The following ANAPC11 variants were observed in gnomAD, a reference collection of about 807,000 sequenced individuals.
The protein encoded by ANAPC11 is anaphase promoting complex subunit 11, also known as anaphase-promoting complex subunit 11.
Under a neutral mutation model 11.8 loss-of-function variants are expected in ANAPC11, and 5 were observed. The ratio of observed to expected loss-of-function variants is 0.42; its 90% CI spans 0.22 to 0.89. ANAPC11 has a LOEUF of 0.89. Among genes scored for constraint, ANAPC11 ranks in the 40% least tolerant of loss-of-function variants. The pLI is 0.28. For missense variants in ANAPC11, 68 were observed against 112.9 expected (o/e 0.60, Z 1.80); for synonymous variants, 45 against 41.0 (o/e 1.10, Z -0.38).
In ANAPC11 at chr17:81,900,197, A is replaced by T; in HGVS notation, c.*132A>T. 1 of 1,395,858 alleles carries T rather than the reference A, an allele frequency of 7.2e-7. No homozygotes were observed. The highest frequency in any genetic ancestry group is 1.3e-5 in the South Asian group (1 of 77,514). 86.5% of individuals were successfully genotyped at this position (1,395,858 alleles called of 1,614,324 possible). A position where few individuals can be genotyped will look rare whatever the true frequency, so the allele number is the denominator to read the frequency against. ...GGGCTGGAGCTGCGTTTGTTTTGCCATCACTATGTTGACACTTTTATCCAA... is the reference window on the plus strand; with the variant it reads ...GGGCTGGAGCTGCGTTTGTTTTGCCTTCACTATGTTGACACTTTTATCCAA... On this transcript the variant is annotated 3_prime_UTR_variant, in exon 4 of 4. Transcript: ENST00000344877.
Position 81,894,467 on chromosome 17 carries a change from G to C in ANAPC11, c.-11G>C, listed in dbSNP as rs1329297109. The C allele has an allele frequency of 4.4e-6, 7 of 1,599,006 alleles. No homozygotes were observed. The highest frequency in any genetic ancestry group is 6.0e-6 in the Non-Finnish European group (7 of 1,167,486). On this transcript the variant is annotated splice_region_variant and 5_prime_UTR_variant, in exon 3 of 4. Coordinates refer to ENST00000344877, the MANE Select transcript of ANAPC11 (RefSeq NM_001002248.3). ...AGTCGTCCTGTTCCCTCCGCCGCAG[G>C]CTCTGCTGCCATGAAGGTGAAGATT...
chr17:81,893,804 A>G (rs545738566), intron 2 of ANAPC11, among the ~76,000 whole-genome samples, 190 bp downstream of exon 2: 57 of 130,282 alleles, frequency 4.4e-4, no homozygotes, highest in African/African-American at 1.6e-3. Flanking sequence ...ACTGTGTTAC[A>G]CAGGCTGGTC....
chr17:81,892,769 C>A (rs549909278), intron 1 of ANAPC11, among the ~76,000 whole-genome samples: 2 of 151,980 alleles, frequency 1.3e-5, no homozygotes, highest in African/African-American at 4.8e-5. Context: ...ATGATCCGCC[C>A]GCCTTGGCCT....
At position 81,899,079 on chromosome 17, in the gene ANAPC11, C is replaced by G. The variant is rs1312810811; in HGVS notation, c.110-841C>G. 3 of 756,200 alleles carry G rather than the reference C, an allele frequency of 4.0e-6. No homozygotes were observed. The African/African-American group carries it at 5.3e-5, about 13-fold the overall frequency. The allele number at this position is 756,200 out of a possible 1,614,324, so 46.8% of individuals were successfully genotyped here. ...GCCAGGACAGGAGGGTGGCCACGAGCTCCAGCTCCACAATGCCAGGCCGAC... is the reference window on the plus strand; with the variant it reads ...GCCAGGACAGGAGGGTGGCCACGAGGTCCAGCTCCACAATGCCAGGCCGAC... On this transcript the variant is annotated intron_variant, in intron 3 of 3. Transcript: ENST00000344877.
At chr17:81,891,228 C>A, upstream of ANAPC11, 1 of 996,880 alleles carries the variant, frequency 1.0e-6, no homozygotes. Context: ...CCAGCCTTAT[C>A]CACCCGCCGG....
chr17:81,899,640 C>A, intron 3 of ANAPC11: 1 of 1,384,382 alleles, frequency 7.2e-7, no homozygotes, highest in Non-Finnish European at 9.8e-7. Flanking sequence ...GGGCTCCCCA[C>A]TGAGCATGAT....
At chr17:81,891,412 G>T (rs2067216304), upstream of ANAPC11, 2 of 1,044,846 alleles carry the variant, frequency 1.9e-6, no homozygotes, top group East Asian at 7.7e-5. Flanking sequence ...CCGCCGCCTC[G>T]ATTCACTCGC....
At chr17:81,900,256 C>T, downstream of ANAPC11, 10 of 832,950 alleles carry the variant, frequency 1.2e-5, no homozygotes, top group South Asian at 1.3e-4. Context: ...TCAAATCTTG[C>T]TGGAGGCCTC....
chr17:81,894,906 C>T (rs1486419517), intron 3 of ANAPC11: 9 of 264,622 alleles, frequency 3.4e-5, no homozygotes, highest in African/African-American at 1.1e-4. Context: ...TTAGTAGAGA[C>T]GGGGTTTTGC....
chr17:81,893,699 G>A (rs2039633635), intron 2 of ANAPC11, 85 bp downstream of exon 2: 1 of 151,552 alleles, frequency 6.6e-6, no homozygotes, highest in African/African-American at 2.4e-5. Context: ...TTGGAGAGAA[G>A]AGTGTGCCCT....
chr17:81,897,681 G>C (rs1598302255), intron 3 of ANAPC11, among the ~76,000 whole-genome samples: 4 of 152,146 alleles, frequency 2.6e-5, no homozygotes, highest in East Asian at 3.9e-4. Context: ...ACAGGGTTTT[G>C]CTATGTTGCC....
chr17:81,892,177 A>G (rs537981551), intron 1 of ANAPC11: 3 of 152,528 alleles, frequency 2.0e-5, no homozygotes, highest in African/African-American at 7.2e-5. Flanking sequence ...CATATCCTTT[A>G]CAAGTTTTCT....
chr17:81,894,778 C>T (rs1054088443), intron 3 of ANAPC11, 192 bp downstream of exon 3: 15 of 436,646 alleles, frequency 3.4e-5, no homozygotes, highest in African/African-American at 1.3e-4. Flanking sequence ...AGTGCAATGG[C>T]GCGATCTCGG....
At chr17:81,895,908 A>G (rs1240212657) in intron 3 of ANAPC11, among the ~76,000 whole-genome samples, 2 of 152,072 alleles carry the variant, frequency 1.3e-5, no homozygotes, top group Non-Finnish European at 2.9e-5. Context: ...CGGGGGTTGC[A>G]GTGAGCCAAG....
chr17:81,900,131 G>A lies in ANAPC11; in HGVS notation c.*66G>A. 1 of 1,597,106 alleles carries A rather than the reference G, an allele frequency of 6.3e-7. No homozygotes were observed. The highest frequency in any genetic ancestry group is 8.5e-7 in the Non-Finnish European group (1 of 1,172,064). ...CTTCCTCATGCTGGCGCCGATGGCT[G>A]CTGGGGACAGCGCCCCTGAGCTGCA... On this transcript the variant is annotated 3_prime_UTR_variant, in exon 4 of 4. Coordinates refer to ENST00000344877, the MANE Select transcript of ANAPC11 (RefSeq NM_001002248.3).
At chr17:81,891,548 T>G, upstream of ANAPC11, 1 of 1,430,560 alleles carries the variant, frequency 7.0e-7, no homozygotes. Flanking sequence ...ACATGTCCAT[T>G]TTGTCGGCCA....
chr17:81,890,805 C>T, upstream of ANAPC11: 1 of 1,614,080 alleles, frequency 6.2e-7, no homozygotes, highest in Non-Finnish European at 8.5e-7. Context: ...TGCCACTTGT[C>T]GGGAAGTTGT....
intron 3 of ANAPC11, chr17:81,899,468 T>G (rs749341789): frequency 4.3e-6 from 7 of 1,614,018 alleles, no homozygotes; most frequent in Non-Finnish European, 5.9e-6. Context: ...GCACGTCTCC[T>G]TGGTGCCTTG....
chr17:81,899,663 G>C, intron 3 of ANAPC11: 1 of 1,250,350 alleles, frequency 8.0e-7, no homozygotes, highest in Non-Finnish European at 1.1e-6. Flanking sequence ...GCCTGGGTGA[G>C]GGGAGGCGCC....
Sources: allele counts gnomAD v4.1 joint callset (sites outside exome capture counted in the v4.1 genomes callset), GRCh38; gene constraint gnomAD v4.1.1; transcripts MANE v1.5; gene names NCBI Gene and HGNC (gene_info 2026-07-23, HGNC 2026-07-21).